The following RBM47 variants were observed in gnomAD, a reference collection of about 807,000 sequenced individuals.
RBM47 encodes the protein RNA binding motif protein 47.
In RBM47, 21 loss-of-function variants were observed where a neutral mutation model predicts 47.1. The observed-to-expected ratio is 0.45, with a 90% CI of 0.32 to 0.64. RBM47 has a LOEUF of 0.64. Ranked by LOEUF, RBM47 falls within the 30% of genes least tolerant of loss-of-function variation. RBM47 has a pLI of 0.05. For missense variants in RBM47, 708 were observed against 870.9 expected (o/e 0.81, Z 2.35); for synonymous variants, 375 against 361.7 (o/e 1.04, Z -0.42).
Position 40,438,161 on chromosome 4 carries a change from C to T in RBM47, c.733G>A (p.Val245Met), listed in dbSNP as rs1712998738. 3 of 1,611,816 alleles carry T rather than the reference C, an allele frequency of 1.9e-6. No individual in the cohort carries two copies. The highest frequency in any genetic ancestry group is 1.7e-5 in the Admixed American group (1 of 60,026). The change falls in exon 4 of 7, where the codon GTG becomes ATG. Residue 245 changes from valine to methionine, a missense_variant. Physicochemically the swap from Val to Met is conservative, Grantham distance 21. Transcript: ENST00000295971. ...AGGTTGCGCACGTAGAGGATCTTCA[C>T]GGTCTCCATCACGTCCTCGTCCACG... Reference protein sequence around the residue: ...IDVDEDVMETVKILYVRNLMI... With the variant: ...IDVDEDVMETMKILYVRNLMI...
At chr4:40,554,824 T>G (rs1237296892) in intron 1 of RBM47, among the ~76,000 whole-genome samples, 1 of 144,202 alleles carries the variant, frequency 6.9e-6, no homozygotes, top group Non-Finnish European at 1.5e-5. Flanking sequence ...GGCAGTGGCG[T>G]GATCTCGGCT....
intron 2 of RBM47, among the ~76,000 whole-genome samples, chr4:40,504,733 G>A (rs1723861960): frequency 6.6e-6 from 1 of 152,144 alleles, no homozygotes; most frequent in African/African-American, 2.4e-5. Context: ...TAAATTAAAA[G>A]AATATTGGAT....
chr4:40,601,899 T>G (rs964476282), intron 1 of RBM47, among the ~76,000 whole-genome samples: 2 of 152,248 alleles, frequency 1.3e-5, no homozygotes, highest in Non-Finnish European at 1.5e-5. Context: ...TCGGGCGTGG[T>G]GGCTCACGCC....
chr4:40,488,097 G>A (rs1421587291), intron 2 of RBM47, among the ~76,000 whole-genome samples: 1 of 152,048 alleles, frequency 6.6e-6, no homozygotes, highest in African/African-American at 2.4e-5. Context: ...CAAGGCAGGT[G>A]GATCACCTGA....
intron 2 of RBM47, among the ~76,000 whole-genome samples, chr4:40,504,231 T>C (rs1016400034): frequency 2.0e-5 from 3 of 152,006 alleles, no homozygotes; most frequent in Middle Eastern, 3.2e-3. Flanking sequence ...CCACCAGGCA[T>C]GTATGAATAA....
chr4:40,575,552 C>CAAAAATAAAAAA (rs1732209019), intron 1 of RBM47, among the ~76,000 whole-genome samples: 1 of 98,364 alleles, frequency 1.0e-5, no homozygotes, highest in Non-Finnish European at 2.2e-5. Flanking sequence ...AACTCCATCT[C>CAAAAATAAAAAA]AAAAAAAAAA....
At chr4:40,611,780 C>A (rs533902531) in intron 1 of RBM47, among the ~76,000 whole-genome samples, 7 of 152,004 alleles carry the variant, frequency 4.6e-5, no homozygotes, top group Admixed American at 2.6e-4. Context: ...ATAGAATCAT[C>A]AAAATGAGTT....
chr4:40,621,904 A>T (rs1036129046), intron 1 of RBM47, among the ~76,000 whole-genome samples: 2 of 152,244 alleles, frequency 1.3e-5, no homozygotes, highest in Non-Finnish European at 1.5e-5. Context: ...GCCTCCATCA[A>T]GGACTTGTGG....
chr4:40,593,883 CA>C (rs34280289), intron 1 of RBM47, among the ~76,000 whole-genome samples: 141 of 116,216 alleles, frequency 1.2e-3, no homozygotes, highest in Admixed American at 1.1e-3. Flanking sequence ...GACTCTGTCT[CA>C]AAAAAAAAAA....
At chr4:40,529,621 G>C (rs1182581132) in intron 2 of RBM47, among the ~76,000 whole-genome samples, 2 of 146,260 alleles carry the variant, frequency 1.4e-5, no homozygotes, top group Non-Finnish European at 3.0e-5. Context: ...ATCACCCGAA[G>C]AGCTCGAGAC....
chr4:40,494,023 T>G (rs1426887559), intron 2 of RBM47, among the ~76,000 whole-genome samples: 3 of 152,208 alleles, frequency 2.0e-5, no homozygotes, highest in Non-Finnish European at 4.4e-5. Context: ...GAATTTCAAC[T>G]GATAATTCTA....
intron 1 of RBM47, among the ~76,000 whole-genome samples, chr4:40,598,757 C>A (rs1321045220): frequency 6.6e-6 from 1 of 150,962 alleles, no homozygotes; most frequent in Non-Finnish European, 1.5e-5. Flanking sequence ...AGGGTTTCTA[C>A]ATTCTATATT....
At chr4:40,510,398 C>G (rs929893727) in intron 2 of RBM47, among the ~76,000 whole-genome samples, 1 of 152,006 alleles carries the variant, frequency 6.6e-6, no homozygotes, top group African/African-American at 2.4e-5. Context: ...ATATCTGGTA[C>G]ATATTTTTGA....
At chr4:40,488,604 T>G (rs1269465697) in intron 2 of RBM47, among the ~76,000 whole-genome samples, 1 of 152,158 alleles carries the variant, frequency 6.6e-6, no homozygotes, top group Admixed American at 6.5e-5. Flanking sequence ...CAACCGCAAG[T>G]GAGAAGTGTA....
intron 1 of RBM47, among the ~76,000 whole-genome samples, chr4:40,550,759 C>T (rs562855943): frequency 5.3e-5 from 8 of 151,672 alleles, no homozygotes; most frequent in East Asian, 1.9e-4. Context: ...ATTGAAGGGA[C>T]GGAAGATAGA....
chr4:40,553,995 C>A (rs887518373), intron 1 of RBM47, among the ~76,000 whole-genome samples: 1 of 152,116 alleles, frequency 6.6e-6, no homozygotes, highest in African/African-American at 2.4e-5. Flanking sequence ...GAGAGGTTAC[C>A]TGGTTTCTCC....
chr4:40,489,603 A>C (rs926514043), intron 2 of RBM47, among the ~76,000 whole-genome samples: 2 of 152,224 alleles, frequency 1.3e-5, no homozygotes, highest in Non-Finnish European at 2.9e-5. Context: ...GAAAGATGCA[A>C]AGGGCCAAAA....
intron 5 of RBM47, among the ~76,000 whole-genome samples, chr4:40,435,521 C>A (rs2154211576): frequency 6.6e-6 from 1 of 152,210 alleles, no homozygotes; most frequent in South Asian, 2.1e-4. Context: ...GCACTCCAGC[C>A]CGGGTGACAC....
chr4:40,614,960 G>C (rs192705743), intron 1 of RBM47, among the ~76,000 whole-genome samples: 213 of 152,062 alleles, frequency 1.4e-3, no homozygotes, highest in Admixed American at 2.1e-3. Flanking sequence ...CGGGTGGTTT[G>C]TTGGTTAAAT....
Sources: allele counts gnomAD v4.1 joint callset (sites outside exome capture counted in the v4.1 genomes callset), GRCh38; gene constraint gnomAD v4.1.1; transcripts MANE v1.5; gene names NCBI Gene and HGNC (gene_info 2026-07-23, HGNC 2026-07-21).